The following PRLR variants were observed in gnomAD, a reference collection of about 807,000 sequenced individuals.
The protein encoded by PRLR is prolactin receptor, also known as hPRL receptor.
In PRLR, 13 loss-of-function variants were observed where a neutral mutation model predicts 40.2. The ratio of observed to expected loss-of-function variants is 0.32; its 90% CI spans 0.21 to 0.51. The LOEUF is 0.51. Among genes scored for constraint, PRLR ranks in the 20% least tolerant of loss-of-function variants. The pLI is 0.97. For missense variants in PRLR, 656 were observed against 747.3 expected (o/e 0.88, Z 1.42); for synonymous variants, 269 against 278.7 (o/e 0.97, Z 0.35).
At chr5:35,184,170 G>T (rs543546459) in intron 1 of PRLR, among the ~76,000 whole-genome samples, 1 of 152,144 alleles carries the variant, frequency 6.6e-6, no homozygotes, top group Non-Finnish European at 1.5e-5. Context: ...TGATTAAAAG[G>T]TTATCCTCAG....
In PRLR at chr5:35,062,581, C is replaced by T. The variant is rs957146313; in HGVS notation, c.*2508G>A. On this transcript the variant is annotated 3_prime_UTR_variant, in exon 10 of 10. Coordinates refer to ENST00000618457, the MANE Select transcript of PRLR (RefSeq NM_000949.7). The stretch of plus-strand genomic sequence containing the variant: ...TCCTTAGCTGTCACATTTTTTCATA[C>T]GTATTATACAAAATTATATGTCAAA... 2.6e-5 allele frequency: 4 copies of T among 152,036 alleles called. No individual in the cohort carries two copies. Among genetic ancestry groups the T allele is most frequent in the Admixed American group, 6.6e-5 (1 of 15,264 alleles). 9.4% of individuals were successfully genotyped at this position (152,036 alleles called of 1,614,324 possible).
chr5:35,155,615 T>C (rs1250866124), intron 1 of PRLR, among the ~76,000 whole-genome samples: 1 of 152,196 alleles, frequency 6.6e-6, no homozygotes, highest in African/African-American at 2.4e-5. Flanking sequence ...TTGGATGCCA[T>C]TTCACAGTTG....
At chr5:35,148,380 GT>G (rs1365894620) in intron 1 of PRLR, among the ~76,000 whole-genome samples, 8 of 152,084 alleles carry the variant, frequency 5.3e-5, no homozygotes, top group African/African-American at 1.4e-4. Context: ...AGAAGATTCA[GT>G]TTCTAGCCTC....
chr5:35,148,749 C>A (rs1327636834), intron 1 of PRLR, among the ~76,000 whole-genome samples: 2 of 152,038 alleles, frequency 1.3e-5, no homozygotes, highest in African/African-American at 4.8e-5. Context: ...TAGTTCAAAT[C>A]TTAATTTTAG....
chr5:35,105,888 A>G (rs1772210670), intron 2 of PRLR, among the ~76,000 whole-genome samples: 2 of 152,130 alleles, frequency 1.3e-5, no homozygotes, highest in African/African-American at 2.4e-5. Context: ...CCACAAAGAT[A>G]CTCCTCGAGA....
intron 2 of PRLR, among the ~76,000 whole-genome samples, chr5:35,106,952 C>T (rs1373063636): frequency 6.6e-6 from 1 of 152,146 alleles, no homozygotes; most frequent in East Asian, 1.9e-4. Flanking sequence ...CGCACTTATT[C>T]CAAAATTGAC....
chr5:35,162,267 A>ACT (rs1774695449), intron 1 of PRLR, among the ~76,000 whole-genome samples: 1 of 152,220 alleles, frequency 6.6e-6, no homozygotes, highest in African/African-American at 2.4e-5. Flanking sequence ...TGTAAACTTC[A>ACT]ATGTGATTTC....
Position 35,072,700 on chromosome 5 carries a change from G to T in PRLR, c.418C>A (p.Pro140Thr), listed in dbSNP as rs770066621. The T allele has an allele frequency of 6.2e-7, 1 of 1,614,144 alleles. No individual in the cohort carries two copies. Among genetic ancestry groups the T allele is most frequent in the Admixed American group, 1.7e-5 (1 of 60,034 alleles). ...CACAGGTAGGGTTTTCTGTCTTCTG[G>T]CTGTTTTACTTCCACAGCCAGCTCC... is the stretch of plus-strand genomic sequence containing the variant. Reference protein sequence around the residue: ...PLELAVEVKQPEDRKPYLWIK... With the variant: ...PLELAVEVKQTEDRKPYLWIK... The change falls in exon 6 of 10, where the codon CCA (proline) becomes ACA (threonine). Residue 140 changes from proline (P) to threonine (T), a missense_variant. By Grantham distance (38) the Pro-to-Thr change is conservative. Around this residue, in one of 3 missense-constraint regions of PRLR, gnomAD observed 180 missense variants for 236.8 expected, o/e 0.76. Transcript: ENST00000618457.
chr5:35,201,423 G>T (rs545262379), intron 1 of PRLR, among the ~76,000 whole-genome samples: 22 of 152,204 alleles, frequency 1.4e-4, no homozygotes, highest in Non-Finnish European at 2.9e-4. Context: ...AAAGTAAGAA[G>T]ACAGCCTTAA....
chr5:35,168,234 GA>G (rs1774898527), intron 1 of PRLR, among the ~76,000 whole-genome samples: 1 of 151,910 alleles, frequency 6.6e-6, no homozygotes, highest in South Asian at 2.1e-4. Context: ...ACTAAAAGCA[GA>G]AATAGACAAA....
intron 2 of PRLR, among the ~76,000 whole-genome samples, chr5:35,102,743 A>G (rs1202077291): frequency 6.6e-6 from 1 of 152,030 alleles, no homozygotes; most frequent in Non-Finnish European, 1.5e-5. Context: ...GGGTTTCACC[A>G]TATTGGTCAG....
chr5:35,068,712 A>T (rs1413457829), intron 8 of PRLR, 67 bp downstream of exon 8: 2 of 984,712 alleles, frequency 2.0e-6, no homozygotes, highest in African/African-American at 1.7e-5. Context: ...TCATCTTTGT[A>T]TTTTTTTTTT....
chr5:35,106,154 T>C (rs867144154), intron 2 of PRLR, among the ~76,000 whole-genome samples: 1 of 152,098 alleles, frequency 6.6e-6, no homozygotes, highest in East Asian at 1.9e-4. Context: ...AGAAATAAAA[T>C]CCTTTACAGA....
intron 2 of PRLR, among the ~76,000 whole-genome samples, chr5:35,114,935 C>T: frequency 6.6e-6 from 1 of 152,178 alleles, no homozygotes; most frequent in East Asian, 1.9e-4. Flanking sequence ...CTTCTCTATC[C>T]CTGCCCACAG....
chr5:35,098,750 C>T (rs910034844), intron 2 of PRLR, among the ~76,000 whole-genome samples: 1 of 152,106 alleles, frequency 6.6e-6, no homozygotes, highest in Non-Finnish European at 1.5e-5. Context: ...GGCATACTGG[C>T]ACTGCTTATT....
At chr5:35,189,615 A>G (rs561353368) in intron 1 of PRLR, among the ~76,000 whole-genome samples, 32 of 151,652 alleles carry the variant, frequency 2.1e-4, no homozygotes, top group Non-Finnish European at 4.3e-4. Flanking sequence ...TGGGGAGTAA[A>G]TGTGAGAATT....
At chr5:35,174,151 G>A (rs181723619) in intron 1 of PRLR, among the ~76,000 whole-genome samples, 65 of 151,212 alleles carry the variant, frequency 4.3e-4, no homozygotes, top group Non-Finnish European at 7.2e-4. Context: ...ATGCAGTGGC[G>A]CGATCTCGGC....
chr5:35,064,486 T>C lies in PRLR; in HGVS notation c.*603A>G, dbSNP rs1336973121. 6.6e-6 allele frequency: 1 copy of C among 152,654 alleles called. No homozygotes were observed. Among genetic ancestry groups the C allele is most frequent in the Non-Finnish European group, 1.5e-5 (1 of 68,062 alleles). 9.5% of individuals were successfully genotyped at this position (152,654 alleles called of 1,614,324 possible). The stretch of plus-strand genomic sequence containing the variant: ...AGGGGGAAAATCCATGCTTAACATA[T>C]CTAAACTATTTTAAGAAAAAATTGG... On this transcript the variant is annotated 3_prime_UTR_variant, in exon 10 of 10. Transcript: ENST00000618457.
chr5:35,091,625 GACA>G (rs1771216790), intron 2 of PRLR, among the ~76,000 whole-genome samples: 1 of 152,172 alleles, frequency 6.6e-6, no homozygotes, highest in Non-Finnish European at 1.5e-5. Flanking sequence ...AGACGGTGGA[GACA>G]ACAGCCACTG....
Sources: gnomAD v4.1 joint callset for allele counts (sites outside exome capture counted in the v4.1 genomes callset) on GRCh38, gnomAD v4.1.1 for gene constraint, gnomAD v4.1.1 regional missense constraint, MANE v1.5 for transcripts, NCBI Gene and HGNC (gene_info 2026-07-23, HGNC 2026-07-21) for gene names.